Variants in PSMA3 observed in about 807,000 individuals in gnomAD.
PSMA3 encodes the protein proteasome 20S subunit alpha 3, also known as proteasome subunit alpha type-3.
In PSMA3, 8 loss-of-function variants were observed where a neutral mutation model predicts 40.0. That is an observed-to-expected ratio of 0.20 (90% CI 0.12 to 0.36). The LOEUF (loss-of-function observed/expected upper bound fraction) is 0.36. Ranked by LOEUF, PSMA3 falls within the 10% of genes least tolerant of loss-of-function variation. The pLI is 1.00. For synonymous variants in PSMA3, 110 were observed against 100.0 expected (o/e 1.10, Z -0.59); for missense variants, 219 against 310.6 (o/e 0.70, Z 2.22).
intron 3 of PSMA3, 23 bp downstream of exon 3, chr14:58,252,265 C>T (rs1749332387): frequency 6.3e-7 from 1 of 1,597,170 alleles, no homozygotes. Context: ...TTAAAATGTT[C>T]CTTTTTGTCT....
chr14:58,262,950 T>C lies in PSMA3; in HGVS notation c.478-755T>C, dbSNP rs1890325230. On this transcript the variant is annotated intron_variant, in intron 6 of 10. Transcript: ENST00000216455. ...TGAAGAAAATGAAGATTCTTAAATA[T>C]ATTTTGCTGTAACAGAAGTATATAT... is the stretch of plus-strand genomic sequence containing the variant. 2.0e-5 allele frequency among the ~76,000 whole-genome samples: 3 copies of C among 151,768 alleles called. No individual in the cohort carries two copies. In the South Asian group the frequency reaches 6.2e-4, roughly 32 times the overall value.
chr14:58,245,162 G>A (rs889008409), intron 1 of PSMA3: 11 of 582,096 alleles, frequency 1.9e-5, no homozygotes, highest in East Asian at 2.8e-5. Flanking sequence ...CGCAGGTGTA[G>A]CCGGCTTGGC....
At chr14:58,261,405 C>T (rs991481811) in intron 6 of PSMA3, among the ~76,000 whole-genome samples, 3 of 151,654 alleles carry the variant, frequency 2.0e-5, no homozygotes, top group East Asian at 1.9e-4. Context: ...TCTTGAATTC[C>T]AGTCCTCAAG....
chr14:58,249,251 C>T lies in PSMA3; in HGVS notation c.104+1419C>T, dbSNP rs544091296. ...CTGGGATTACAGGCATGAGCCACGG[C>T]GCCCGGCCTAAAAGTTCTTCTTTTT... On this transcript the variant is annotated intron_variant, in intron 2 of 10. Transcript: ENST00000216455. Among the ~76,000 whole-genome samples, 115 of 152,088 alleles carry T rather than the reference C, an allele frequency of 7.6e-4. 1 individual carries two copies. Among genetic ancestry groups the T allele is most frequent in the Admixed American group, 5.6e-3 (85 of 15,262 alleles).
At chr14:58,260,681 C>T (rs763547719) in intron 5 of PSMA3, among the ~76,000 whole-genome samples, 8 of 152,110 alleles carry the variant, frequency 5.3e-5, no homozygotes, top group Non-Finnish European at 7.4e-5. Context: ...TTTCATCTAT[C>T]GTTACTCCTT....
intron 3 of PSMA3, among the ~76,000 whole-genome samples, chr14:58,257,235 C>T (rs910630460): frequency 2.0e-5 from 3 of 152,080 alleles, no homozygotes; most frequent in East Asian, 3.9e-4. Flanking sequence ...CGGTGGCTCA[C>T]GCCTGTAATC....
intron 2 of PSMA3, among the ~76,000 whole-genome samples, chr14:58,248,388 C>T (rs1275373944): frequency 6.6e-6 from 1 of 152,026 alleles, no homozygotes; most frequent in Non-Finnish European, 1.5e-5. Context: ...TGCCACCATG[C>T]CCGGATAATT....
At position 58,245,083 on chromosome 14, in the gene PSMA3, A is replaced by G. The variant is rs1272970623; in HGVS notation, c.21+142A>G. 4.6e-6 allele frequency: 5 copies of G among 1,076,294 alleles called. No individual in the cohort carries two copies. The African/African-American group carries it at 4.7e-5, about 10-fold the overall frequency. 66.7% of individuals were successfully genotyped at this position (1,076,294 alleles called of 1,614,324 possible). A position where few individuals can be genotyped will look rare whatever the true frequency, so the allele number is the denominator to read the frequency against. On this transcript the variant is annotated intron_variant, in intron 1 of 10. Coordinates refer to ENST00000216455, the MANE Select transcript of PSMA3 (RefSeq NM_002788.4). The stretch of plus-strand genomic sequence containing the variant: ...GTGGGCCATTTGCAGCTGTTTGGAG[A>G]CCGGTCGTCTTTATCCCCTATATGC...
chr14:58,264,667 T>G (rs1002164858), intron 7 of PSMA3: 1 of 152,216 alleles, frequency 6.6e-6, no homozygotes, highest in Non-Finnish European at 1.5e-5. Context: ...AAAATACTTA[T>G]TAGTGCTTGG....
At chr14:58,254,974 G>GA (rs926940263) in intron 3 of PSMA3, among the ~76,000 whole-genome samples, 8 of 151,802 alleles carry the variant, frequency 5.3e-5, no homozygotes, top group East Asian at 1.9e-4. Context: ...GGTAGCGTAG[G>GA]AAAAAAAGGC....
intron 1 of PSMA3, among the ~76,000 whole-genome samples, chr14:58,246,865 A>G (rs1889894688): frequency 6.6e-6 from 1 of 152,188 alleles, no homozygotes; most frequent in African/African-American, 2.4e-5. Flanking sequence ...TGATGTTTTT[A>G]AAAATATAGA....
At chr14:58,255,055 G>A (rs1042214191) in intron 3 of PSMA3, among the ~76,000 whole-genome samples, 1 of 152,062 alleles carries the variant, frequency 6.6e-6, no homozygotes. Flanking sequence ...AAACTTGGTT[G>A]GTTTATGGTA....
At chr14:58,258,072 C>A in intron 5 of PSMA3, 74 bp downstream of exon 5, 3 of 1,158,924 alleles carry the variant, frequency 2.6e-6, no homozygotes, top group Non-Finnish European at 2.5e-6. Flanking sequence ...AGCATCTTAG[C>A]CTTTTACATA....
Position 58,263,758 on chromosome 14 carries a change from A to G in PSMA3, c.531A>G (p.Ile177Met). 1 of 1,613,882 alleles carries G rather than the reference A, an allele frequency of 6.2e-7. No homozygotes were observed. The highest frequency in any genetic ancestry group is 1.1e-5 in the South Asian group (1 of 91,084). The change falls in exon 7 of 11, where the codon ATA (isoleucine) becomes ATG (methionine). Residue 177 changes from isoleucine to methionine, a missense_variant. Ile to Met is a conservative substitution (Grantham distance 10, BLOSUM62 1). Transcript: ENST00000216455. ...GKARQAAKTE[I>M]EKLQMKEMTC... ...CCAGGCAAGCTGCAAAGACGGAAAT[A>G]GAGAAGCTTCAGGTAATAATTAATG...
At chr14:58,271,643 T>C (rs1181492174) in intron 10 of PSMA3, among the ~76,000 whole-genome samples, 2 of 152,192 alleles carry the variant, frequency 1.3e-5, no homozygotes, top group African/African-American at 2.4e-5. Flanking sequence ...CTCTTAAGTA[T>C]ATATTCTATC....
chr14:58,248,687 G>T (rs1215948392), intron 2 of PSMA3, among the ~76,000 whole-genome samples: 1 of 151,968 alleles, frequency 6.6e-6, no homozygotes, highest in Non-Finnish European at 1.5e-5. Flanking sequence ...GGGCGTGGTG[G>T]CTCACGCCTG....
intron 2 of PSMA3, among the ~76,000 whole-genome samples, chr14:58,249,842 C>G (rs952098145): frequency 6.6e-6 from 1 of 152,166 alleles, no homozygotes; most frequent in Non-Finnish European, 1.5e-5. Flanking sequence ...ATTTTGACCT[C>G]GAAGACTGCC....
At chr14:58,252,083 T>C in intron 2 of PSMA3, 36 bp from the exon 3 acceptor site, 3 of 1,560,098 alleles carry the variant, frequency 1.9e-6, no homozygotes, top group Non-Finnish European at 2.6e-6. Context: ...TCTTTTATTT[T>C]CAGTTAAAAA....
intron 7 of PSMA3, 131 bp downstream of exon 7, chr14:58,263,901 C>T: frequency 1.4e-6 from 1 of 736,402 alleles, no homozygotes; most frequent in East Asian, 2.6e-5. Flanking sequence ...TAAAATACAC[C>T]AACACTAATG....
Sources: gnomAD v4.1 joint callset for allele counts (sites outside exome capture counted in the v4.1 genomes callset) on GRCh38, gnomAD v4.1.1 for gene constraint, MANE v1.5 for transcripts, NCBI Gene and HGNC (gene_info 2026-07-23, HGNC 2026-07-21) for gene names.